The following PPP2CB variants were observed in gnomAD, a reference collection of about 807,000 sequenced individuals.
PPP2CB encodes serine/threonine-protein phosphatase 2A catalytic subunit beta isoform.
Under a neutral mutation model 39.1 loss-of-function variants are expected in PPP2CB, and 18 were observed. The observed-to-expected ratio is 0.46, with a 90% CI of 0.32 to 0.68. PPP2CB has a LOEUF of 0.68. Among genes scored for constraint, PPP2CB ranks in the 30% least tolerant of loss-of-function variants. The pLI is 0.04. For missense variants in PPP2CB, 226 were observed against 396.9 expected (o/e 0.57, Z 3.66); for synonymous variants, 129 against 133.8 (o/e 0.96, Z 0.25).
Position 30,794,057 on chromosome 8 carries a change from A to G in PPP2CB, c.598T>C (p.Trp200Arg). 1 of 1,610,218 alleles carries G rather than the reference A, an allele frequency of 6.2e-7. No individual in the cohort carries two copies. The highest frequency in any genetic ancestry group is 8.5e-7 in the Non-Finnish European group (1 of 1,177,946). The change falls in exon 5 of 7, where the codon TGG becomes CGG. Residue 200 changes from tryptophan to arginine, a missense_variant. Physicochemically the swap from Trp to Arg is moderately radical, Grantham distance 101. Transcript: ENST00000221138. Reference protein sequence around the residue: ...PHEGPMCDLLWSDPDDRGGWG... With the variant: ...PHEGPMCDLLRSDPDDRGGWG... ...CCACCACGATCATCTGGATCTGACCATAACAGATCACACATTGGGCCCTGG... is the reference window on the plus strand; with the variant it reads ...CCACCACGATCATCTGGATCTGACCGTAACAGATCACACATTGGGCCCTGG...
chr8:30,788,199 T>G (rs903950517), intron 6 of PPP2CB, among the ~76,000 whole-genome samples: 3 of 152,206 alleles, frequency 2.0e-5, no homozygotes, highest in African/African-American at 7.2e-5. Flanking sequence ...TTTAGTTTAC[T>G]CTGCTTTTTC....
intron 6 of PPP2CB, among the ~76,000 whole-genome samples, chr8:30,789,937 C>T (rs1267675680): frequency 6.6e-6 from 1 of 152,186 alleles, no homozygotes; most frequent in Non-Finnish European, 1.5e-5. Context: ...TCCCTAGCTT[C>T]TGATGGCTCT....
At position 30,803,907 on chromosome 8, in the gene PPP2CB, C is replaced by T. The variant is rs186568795; in HGVS notation, c.103-4152G>A. On this transcript the variant is annotated intron_variant, in intron 1 of 6. Transcript: ENST00000221138. ...TCTCCATCTCAGCTCACTGCAACCT[C>T]CGCCTCCTGGATTCAAGTGATTCTC... Among the ~76,000 whole-genome samples, 1,178 of 151,998 alleles carry T rather than the reference C, an allele frequency of 7.8e-3. 14 individuals carry two copies. The highest frequency in any genetic ancestry group is 0.051 in the Middle Eastern group (15 of 294).
At chr8:30,805,807 T>C (rs1806714923) in intron 1 of PPP2CB, among the ~76,000 whole-genome samples, 1 of 152,212 alleles carries the variant, frequency 6.6e-6, no homozygotes, top group African/African-American at 2.4e-5. Context: ...TGGTGTAACA[T>C]GATGCTATTA....
At chr8:30,812,261 G>T in intron 1 of PPP2CB, 59 bp downstream of exon 1, 1 of 1,318,300 alleles carries the variant, frequency 7.6e-7, no homozygotes, top group Non-Finnish European at 1.0e-6. Flanking sequence ...GGGGCGGGCA[G>T]GAAAGCGGCG....
chr8:30,786,184 T>A lies in PPP2CB; in HGVS notation c.*51A>T, dbSNP rs1309172972. On this transcript the variant is annotated 3_prime_UTR_variant, in exon 7 of 7. Coordinates refer to ENST00000221138, the MANE Select transcript of PPP2CB (RefSeq NM_001009552.2). ...TTTTTGTTTTTAAATACATATATTT[T>A]AAAAAGCCAGGTATACTTCCACATA... 3 of 1,396,310 alleles carry A rather than the reference T, an allele frequency of 2.1e-6. No individual in the cohort carries two copies. The highest frequency in any genetic ancestry group is 1.9e-6 in the Non-Finnish European group (2 of 1,027,720). The allele number at this position is 1,396,310 out of a possible 1,614,324, so 86.5% of individuals were successfully genotyped here.
intron 1 of PPP2CB, among the ~76,000 whole-genome samples, chr8:30,805,181 C>A (rs1164433158): frequency 6.6e-6 from 1 of 152,202 alleles, no homozygotes; most frequent in Admixed American, 6.5e-5. Flanking sequence ...ATACACTGAA[C>A]CAATTCTGAG....
intron 1 of PPP2CB, among the ~76,000 whole-genome samples, chr8:30,807,539 T>C (rs1372043079): frequency 1.3e-5 from 2 of 152,256 alleles, no homozygotes; most frequent in Non-Finnish European, 2.9e-5. Flanking sequence ...CTCGACATTT[T>C]TCTCAATACG....
At chr8:30,793,017 TA>T (rs1348732760) in intron 5 of PPP2CB, 2 of 152,196 alleles carry the variant, frequency 1.3e-5, no homozygotes, top group African/African-American at 4.8e-5. Flanking sequence ...TTAGTAGTTG[TA>T]TAACAGTTAA....
chr8:30,786,662 C>CTT (rs35450368), intron 6 of PPP2CB, among the ~76,000 whole-genome samples: 54 of 127,736 alleles, frequency 4.2e-4, no homozygotes, highest in Non-Finnish European at 5.3e-4. Flanking sequence ...AATAATATCA[C>CTT]TTTTTTTTTT....
At chr8:30,798,337 G>A (rs757110226) in intron 2 of PPP2CB, among the ~76,000 whole-genome samples, 11 of 152,150 alleles carry the variant, frequency 7.2e-5, no homozygotes, top group Non-Finnish European at 1.3e-4. Flanking sequence ...TAAGAAATAC[G>A]AAAAAGCACT....
At chr8:30,804,189 A>G (rs1447805681) in intron 1 of PPP2CB, among the ~76,000 whole-genome samples, 2 of 152,206 alleles carry the variant, frequency 1.3e-5, no homozygotes, top group Non-Finnish European at 2.9e-5. Context: ...CACATTGCAC[A>G]CACTCCACAA....
intron 1 of PPP2CB, among the ~76,000 whole-genome samples, chr8:30,800,641 A>G (rs539680837): frequency 7.2e-5 from 11 of 152,340 alleles, no homozygotes; most frequent in African/African-American, 2.4e-4. Flanking sequence ...CTCTCTGCCT[A>G]ATAGCAAAAG....
chr8:30,795,011 T>C (rs1025151711), intron 3 of PPP2CB, among the ~76,000 whole-genome samples: 5 of 152,180 alleles, frequency 3.3e-5, no homozygotes, highest in Non-Finnish European at 7.4e-5. Context: ...AATACAAATG[T>C]TTTCTGTTTT....
chr8:30,793,591 G>GA (rs1806473148), intron 5 of PPP2CB: 1 of 199,084 alleles, frequency 5.0e-6, no homozygotes, highest in Non-Finnish European at 1.0e-5. Context: ...TGGTTCAGAA[G>GA]AAAGTGTGAG....
intron 6 of PPP2CB, among the ~76,000 whole-genome samples, chr8:30,787,425 A>T (rs1213975060): frequency 6.6e-6 from 1 of 152,150 alleles, no homozygotes; most frequent in East Asian, 1.9e-4. Flanking sequence ...CTGTAGCCTC[A>T]ACCTCCCTGG....
chr8:30,807,832 A>G (rs55754268), intron 1 of PPP2CB, among the ~76,000 whole-genome samples: 38 of 152,348 alleles, frequency 2.5e-4, no homozygotes, highest in Non-Finnish European at 5.0e-4. Flanking sequence ...ACACAAGAGG[A>G]GTCAAATTCA....
chr8:30,792,921 T>C (rs143847807), intron 5 of PPP2CB, among the ~76,000 whole-genome samples: 16 of 152,318 alleles, frequency 1.1e-4, no homozygotes, highest in Non-Finnish European at 2.2e-4. Flanking sequence ...CATGCTCCCT[T>C]GTTTCTACTG....
chr8:30,792,071 TAC>T (rs897639259), intron 5 of PPP2CB, among the ~76,000 whole-genome samples: 4 of 151,480 alleles, frequency 2.6e-5, no homozygotes, highest in South Asian at 2.1e-4. Flanking sequence ...TGTGTGTATA[TAC>T]ACACACACAC....
Sources: gnomAD v4.1 joint callset for allele counts (sites outside exome capture counted in the v4.1 genomes callset) on GRCh38, gnomAD v4.1.1 for gene constraint, MANE v1.5 for transcripts, NCBI Gene and HGNC (gene_info 2026-07-23, HGNC 2026-07-21) for gene names.